Variants in ARHGAP15 observed in about 807,000 individuals in gnomAD.
ARHGAP15 encodes Rho GTPase activating protein 15, also known as rho GTPase-activating protein 15.
A neutral mutation model predicts 63.7 loss-of-function variants in ARHGAP15; 51 were observed. The ratio of observed to expected loss-of-function variants is 0.80; its 90% CI spans 0.64 to 1.01. The LOEUF is 1.01. Ranked by LOEUF, ARHGAP15 falls within the 50% of genes least tolerant of loss-of-function variation. The pLI, the probability that ARHGAP15 is intolerant of heterozygous loss-of-function variation, is 0.00. For missense variants in ARHGAP15, 560 were observed against 564.6 expected (o/e 0.99, Z 0.08); for synonymous variants, 191 against 193.8 (o/e 0.99, Z 0.12).
chr2:143,542,343 G>C (rs55769935), intron 10 of ARHGAP15, among the ~76,000 whole-genome samples: 5 of 151,692 alleles, frequency 3.3e-5, no homozygotes, highest in South Asian at 2.1e-4. Context: ...GCGATGCCTC[G>C]CCCTGCTTCG....
intron 12 of ARHGAP15, among the ~76,000 whole-genome samples, chr2:143,667,399 A>G (rs1487352053): frequency 8.6e-6 from 1 of 116,090 alleles, no homozygotes; most frequent in African/African-American, 3.2e-5. Flanking sequence ...GAAGGGGAAT[A>G]TCACACTCTG....
chr2:143,372,349 TAAAAAA>T (rs35140789), intron 6 of ARHGAP15, among the ~76,000 whole-genome samples: 1 of 114,200 alleles, frequency 8.8e-6, no homozygotes, highest in Admixed American at 9.2e-5. Flanking sequence ...GTAGTCGATT[TAAAAAA>T]AAAAAAAAAA....
At chr2:143,662,790 C>T (rs797010589) in intron 12 of ARHGAP15, among the ~76,000 whole-genome samples, 1 of 107,186 alleles carries the variant, frequency 9.3e-6, no homozygotes, top group Non-Finnish European at 2.0e-5. Flanking sequence ...GGAGCCGATG[C>T]GATCAACTGG....
intron 13 of ARHGAP15, among the ~76,000 whole-genome samples, chr2:143,704,230 A>T (rs1402725930): frequency 1.3e-5 from 2 of 152,200 alleles, no homozygotes; most frequent in African/African-American, 2.4e-5. Flanking sequence ...AGAACCACTG[A>T]AGAATGCTAC....
chr2:143,281,485 C>T (rs1267027809), intron 6 of ARHGAP15, among the ~76,000 whole-genome samples: 3 of 152,072 alleles, frequency 2.0e-5, no homozygotes, highest in Non-Finnish European at 4.4e-5. Flanking sequence ...AAAATAGAAA[C>T]ATGCTTCATG....
intron 8 of ARHGAP15, among the ~76,000 whole-genome samples, chr2:143,463,260 G>A (rs1160833037): frequency 6.6e-6 from 1 of 151,336 alleles, no homozygotes; most frequent in Non-Finnish European, 1.5e-5. Context: ...ATATATTATA[G>A]GCCGGGTGCG....
intron 5 of ARHGAP15, among the ~76,000 whole-genome samples, chr2:143,243,784 C>T (rs772558619): frequency 4.2e-4 from 64 of 152,036 alleles, no homozygotes; most frequent in Admixed American, 6.5e-5. Flanking sequence ...CTAATAATCT[C>T]GATTCCCTAA....
chr2:143,418,506 A>C (rs1474954913), intron 6 of ARHGAP15, among the ~76,000 whole-genome samples: 1 of 152,202 alleles, frequency 6.6e-6, no homozygotes, highest in Non-Finnish European at 1.5e-5. Context: ...TTCGTCCCAA[A>C]TTAATATAGA....
chr2:143,662,242 A>G (rs1310131478), intron 12 of ARHGAP15, among the ~76,000 whole-genome samples: 5 of 151,874 alleles, frequency 3.3e-5, no homozygotes, highest in Admixed American at 3.3e-4. Context: ...CTGCCTCCTC[A>G]AGTGGGTCCC....
intron 5 of ARHGAP15, among the ~76,000 whole-genome samples, chr2:143,233,164 T>C (rs182241533): frequency 1.9e-3 from 295 of 152,278 alleles, no homozygotes; most frequent in African/African-American, 6.8e-3. Context: ...TTTGTTTACA[T>C]TTGCCTAATA....
chr2:143,584,179 G>T (rs1697016579), intron 11 of ARHGAP15, among the ~76,000 whole-genome samples: 1 of 152,242 alleles, frequency 6.6e-6, no homozygotes. Context: ...TGAAAAACTG[G>T]CCAGATAATC....
intron 2 of ARHGAP15, among the ~76,000 whole-genome samples, chr2:143,168,922 A>G (rs1690654514): frequency 6.6e-6 from 1 of 151,972 alleles, no homozygotes; most frequent in Non-Finnish European, 1.5e-5. Context: ...AACAGTCTCC[A>G]CTCACTTCTT....
chr2:143,604,868 T>C (rs969251311), intron 11 of ARHGAP15, among the ~76,000 whole-genome samples: 1 of 152,112 alleles, frequency 6.6e-6, no homozygotes, highest in Non-Finnish European at 1.5e-5. Context: ...ATACCGTGCA[T>C]AGCATAATAT....
At chr2:143,432,608 G>A (rs990148773) in intron 6 of ARHGAP15, among the ~76,000 whole-genome samples, 1 of 152,026 alleles carries the variant, frequency 6.6e-6, no homozygotes, top group Admixed American at 6.6e-5. Context: ...TAAGGAATGT[G>A]CCCACTCTGC....
intron 11 of ARHGAP15, among the ~76,000 whole-genome samples, chr2:143,582,059 T>C (rs1273087432): frequency 2.0e-5 from 3 of 152,194 alleles, no homozygotes; most frequent in Non-Finnish European, 1.5e-5. Context: ...TGGAGTCTAA[T>C]ATTAGACGTG....
At chr2:143,741,635 A>T (rs1256945225) in intron 13 of ARHGAP15, among the ~76,000 whole-genome samples, 1 of 152,230 alleles carries the variant, frequency 6.6e-6, no homozygotes, top group African/African-American at 2.4e-5. Context: ...GGCCTTCAAG[A>T]ATTAAGACTA....
At chr2:143,502,876 G>A (rs750153851) in intron 9 of ARHGAP15, among the ~76,000 whole-genome samples, 1 of 152,106 alleles carries the variant, frequency 6.6e-6, no homozygotes, top group East Asian at 1.9e-4. Context: ...CACTGTGCCC[G>A]CCCCTGTGTG....
intron 13 of ARHGAP15, among the ~76,000 whole-genome samples, chr2:143,743,586 G>A (rs1686047906): frequency 6.6e-6 from 1 of 152,168 alleles, no homozygotes; most frequent in African/African-American, 2.4e-5. Context: ...TCTCTGCCAT[G>A]AAAGCCATGT....
At chr2:143,604,932 A>G (rs1697927769) in intron 11 of ARHGAP15, among the ~76,000 whole-genome samples, 2 of 151,944 alleles carry the variant, frequency 1.3e-5, no homozygotes, top group Admixed American at 1.3e-4. Flanking sequence ...GTTTTTTGAG[A>G]CAGTCTCACT....
Sources: allele counts gnomAD v4.1 joint callset (sites outside exome capture counted in the v4.1 genomes callset), GRCh38; gene constraint gnomAD v4.1.1; transcripts MANE v1.5; gene names NCBI Gene and HGNC (gene_info 2026-07-23, HGNC 2026-07-21).